Variants in CTXND1 observed in about 807,000 individuals in gnomAD.
The protein encoded by CTXND1 is cortexin domain-containing 1 protein.
intron 1 of CTXND1, among the ~76,000 whole-genome samples, chr15:80,237,692 T>G (rs1567134408): frequency 6.6e-6 from 1 of 152,210 alleles, no homozygotes; most frequent in African/African-American, 2.4e-5. Context: ...TGTTTCAAGC[T>G]AATATTTTTA....
chr15:80,239,278 T>G (rs3960792), intron 1 of CTXND1, among the ~76,000 whole-genome samples: 34,409 of 152,122 alleles, frequency 0.23, 5,229 homozygotes, highest in East Asian at 0.58. Flanking sequence ...GCCCTCTGGT[T>G]ACCACCCACC....
chr15:80,219,175 G>C (rs1893286262), intron 1 of CTXND1, among the ~76,000 whole-genome samples: 1 of 151,618 alleles, frequency 6.6e-6, no homozygotes, highest in Non-Finnish European at 1.5e-5. Context: ...AAACTCCTGG[G>C]CTCAAGCAAT....
At chr15:80,229,905 T>C (rs1166014409) in intron 1 of CTXND1, among the ~76,000 whole-genome samples, 2 of 152,204 alleles carry the variant, frequency 1.3e-5, no homozygotes, top group African/African-American at 4.8e-5. Context: ...ATGCTAAGTA[T>C]TAAAATTCTC....
intron 1 of CTXND1, among the ~76,000 whole-genome samples, chr15:80,223,821 A>G (rs1893344748): frequency 6.6e-6 from 1 of 151,820 alleles, no homozygotes; most frequent in South Asian, 2.1e-4. Context: ...CCAAAAAAAA[A>G]AAAAATACCC....
chr15:80,234,476 C>CTTTT (rs5814009), intron 1 of CTXND1, among the ~76,000 whole-genome samples: 2 of 133,768 alleles, frequency 1.5e-5, no homozygotes, highest in Non-Finnish European at 1.6e-5. Flanking sequence ...TGAACATGCC[C>CTTTT]TTTTTTTTTT....
At chr15:80,214,863 G>A (rs1893235581) in intron 1 of CTXND1, among the ~76,000 whole-genome samples, 2 of 152,126 alleles carry the variant, frequency 1.3e-5, no homozygotes, top group African/African-American at 2.4e-5. Context: ...TTGAACCTGG[G>A]CAAACTTCTG....
At position 80,201,884 on chromosome 15, in the gene CTXND1, G is replaced by A. The variant is rs1194738627; in HGVS notation, c.66C>T (p.Phe22=). The A allele has an allele frequency of 1.3e-5, 5 of 398,746 alleles. No homozygotes were observed. Among genetic ancestry groups the A allele is most frequent in the Middle Eastern group, 6.2e-4 (1 of 1,612 alleles). The allele number at this position is 398,746 out of a possible 1,614,324, so 24.7% of individuals were successfully genotyped here. ...DVDKGLTLAC[F]VFLCLFLVVM... Reference sequence around the variant, plus strand: ...CGACAAGGAAGAGGCAGAGGAAGACGAAGCAGGCCAAGGTCAGCCCTTTGT... The same window carrying A: ...CGACAAGGAAGAGGCAGAGGAAGACAAAGCAGGCCAAGGTCAGCCCTTTGT... Residue 22 remains phenylalanine (F), a synonymous_variant, in exon 3 of 3, where the codon TTC becomes TTT. Transcript: ENST00000560778.
chr15:80,230,129 A>G (rs1405808916), intron 1 of CTXND1, among the ~76,000 whole-genome samples: 6 of 152,214 alleles, frequency 3.9e-5, no homozygotes, highest in African/African-American at 1.4e-4. Context: ...AATTTCTAGA[A>G]TGACTTTCTA....
chr15:80,243,312 G>C (rs1442252128), intron 1 of CTXND1, among the ~76,000 whole-genome samples: 4 of 152,210 alleles, frequency 2.6e-5, no homozygotes, highest in African/African-American at 9.7e-5. Flanking sequence ...ACATTAGGCA[G>C]TGGCTACTCT....
At chr15:80,214,316 A>G (rs1271166965) in intron 1 of CTXND1, among the ~76,000 whole-genome samples, 1 of 152,210 alleles carries the variant, frequency 6.6e-6, no homozygotes, top group Non-Finnish European at 1.5e-5. Flanking sequence ...CAAAATTTGA[A>G]TAATACAATT....
intron 1 of CTXND1, among the ~76,000 whole-genome samples, chr15:80,223,657 A>C (rs955966874): frequency 1.3e-5 from 2 of 152,144 alleles, no homozygotes; most frequent in Non-Finnish European, 2.9e-5. Flanking sequence ...TGGATGGACA[A>C]ATTGACACTC....
chr15:80,247,263 C>A (rs1055005657), intron 1 of CTXND1, among the ~76,000 whole-genome samples: 1 of 152,152 alleles, frequency 6.6e-6, no homozygotes, highest in Non-Finnish European at 1.5e-5. Context: ...CCTCCCACCA[C>A]CTTAGCAACA....
intron 1 of CTXND1, among the ~76,000 whole-genome samples, chr15:80,245,423 C>G (rs1489684308): frequency 6.6e-6 from 1 of 152,224 alleles, no homozygotes. Context: ...AGCTGGGCAG[C>G]TCTTGCATGG....
In CTXND1 at chr15:80,205,626, A is replaced by G. The variant is rs529175322; in HGVS notation, c.-217-1886T>C. Among the ~76,000 whole-genome samples, 8 of 152,308 alleles carry G rather than the reference A, an allele frequency of 5.3e-5. No individual in the cohort carries two copies. In the South Asian group the frequency reaches 1.5e-3, roughly 28 times the overall value. ...TCCTTAGAAAACTGACTCTCAGGCA[A>G]GGGACTGAAATGCACCAGATCCCGG... On this transcript the variant is annotated intron_variant, in intron 1 of 2. Coordinates refer to ENST00000560778, the MANE Select transcript of CTXND1 (RefSeq NM_001352888.2).
intron 1 of CTXND1, among the ~76,000 whole-genome samples, chr15:80,246,883 C>A (rs1893637212): frequency 6.6e-6 from 1 of 152,170 alleles, no homozygotes; most frequent in South Asian, 2.1e-4. Context: ...TTCTGTGCTG[C>A]CCACTTAGGG....
intron 1 of CTXND1, among the ~76,000 whole-genome samples, chr15:80,215,948 G>A (rs888801051): frequency 6.6e-6 from 1 of 152,116 alleles, no homozygotes; most frequent in Admixed American, 6.5e-5. Flanking sequence ...GGTCCTGGGG[G>A]CCTCATACAA....
chr15:80,231,798 C>T lies in CTXND1; in HGVS notation c.-218+20209G>A, dbSNP rs1283784181. 2.6e-5 allele frequency among the ~76,000 whole-genome samples: 4 copies of T among 152,140 alleles called. No homozygotes were observed. In the East Asian group the frequency reaches 7.7e-4, roughly 29 times the overall value. On this transcript the variant is annotated intron_variant, in intron 1 of 2. Transcript: ENST00000560778. ...TATTAACTTTTATTAAAAAATTTTCCATCTTACAAAAAGAGAAAAGTCTGT... is the reference window on the plus strand; with the variant it reads ...TATTAACTTTTATTAAAAAATTTTCTATCTTACAAAAAGAGAAAAGTCTGT...
intron 1 of CTXND1, among the ~76,000 whole-genome samples, chr15:80,244,647 A>T (rs1445642951): frequency 6.6e-6 from 1 of 152,184 alleles, no homozygotes; most frequent in Non-Finnish European, 1.5e-5. Context: ...TGCAAGAAAG[A>T]GTGAATCAGC....
chr15:80,227,075 C>T lies in CTXND1; in HGVS notation c.-217-23335G>A, dbSNP rs371444163. 2.2e-4 allele frequency among the ~76,000 whole-genome samples: 34 copies of T among 152,228 alleles called. 2 individuals are homozygous for T. Among genetic ancestry groups the T allele is most frequent in the Admixed American group, 1.2e-3 (18 of 15,294 alleles). Reference sequence around the variant, plus strand: ...TTGAGTGCACATAGCAGATGCTGTTCAAAATTTATTTCTGTTTTGTAAAGT... The same window carrying T: ...TTGAGTGCACATAGCAGATGCTGTTTAAAATTTATTTCTGTTTTGTAAAGT... On this transcript the variant is annotated intron_variant, in intron 1 of 2. Transcript: ENST00000560778.
Sources: allele counts gnomAD v4.1 joint callset (sites outside exome capture counted in the v4.1 genomes callset), GRCh38; gene constraint gnomAD v4.1.1; transcripts MANE v1.5; gene names NCBI Gene and HGNC (gene_info 2026-07-23, HGNC 2026-07-21).